Variants in PARD3 observed in about 807,000 individuals in gnomAD.
PARD3 encodes par-3 family cell polarity regulator.
Under a neutral mutation model 155.4 loss-of-function variants are expected in PARD3, and 75 were observed. The observed-to-expected ratio is 0.48, with a 90% CI of 0.40 to 0.58. The LOEUF is 0.58. Ranked by LOEUF, PARD3 falls within the 20% of genes least tolerant of loss-of-function variation. PARD3 has a pLI of 0.00. For synonymous variants in PARD3, 576 were observed against 610.5 expected (o/e 0.94, Z 0.83); for missense variants, 1,642 against 1,721.7 (o/e 0.95, Z 0.82).
chr10:34,559,049 C>G (rs1385216920), intron 2 of PARD3, among the ~76,000 whole-genome samples: 7 of 151,742 alleles, frequency 4.6e-5, no homozygotes, highest in Admixed American at 3.9e-4. Context: ...TTTTCCCCCC[C>G]ACAGAATTAG....
At chr10:34,340,350 T>A (rs1836675520) in intron 16 of PARD3, among the ~76,000 whole-genome samples, 1 of 152,224 alleles carries the variant, frequency 6.6e-6, no homozygotes, top group Admixed American at 6.5e-5. Context: ...GTTGCTACTT[T>A]CATTTTCAGA....
At chr10:34,177,629 C>A (rs887813767) in intron 22 of PARD3, among the ~76,000 whole-genome samples, 3 of 152,238 alleles carry the variant, frequency 2.0e-5, no homozygotes, top group Non-Finnish European at 4.4e-5. Flanking sequence ...CAAACCTCAA[C>A]CCACTGGGCA....
At chr10:34,589,821 A>C (rs1337909339) in intron 2 of PARD3, among the ~76,000 whole-genome samples, 1 of 152,136 alleles carries the variant, frequency 6.6e-6, no homozygotes, top group East Asian at 1.9e-4. Flanking sequence ...ATGGCCTTAC[A>C]TCAGAATACT....
chr10:34,282,175 A>C (rs1956191925), intron 21 of PARD3, among the ~76,000 whole-genome samples: 1 of 150,052 alleles, frequency 6.7e-6, no homozygotes, highest in South Asian at 2.1e-4. Flanking sequence ...AAAATCCATA[A>C]GTTTAAATAA....
chr10:34,519,453 T>TA (rs1346642670), intron 2 of PARD3, among the ~76,000 whole-genome samples: 1 of 152,146 alleles, frequency 6.6e-6, no homozygotes, highest in Non-Finnish European at 1.5e-5. Flanking sequence ...GCTATAAAAA[T>TA]AAAAAAGTAC....
chr10:34,661,979 T>G (rs1256333591), intron 2 of PARD3, among the ~76,000 whole-genome samples: 2 of 152,226 alleles, frequency 1.3e-5, no homozygotes, highest in Non-Finnish European at 2.9e-5. Flanking sequence ...AGATCCTGCA[T>G]GTAAGCACCC....
chr10:34,668,382 C>A (rs2133224003), intron 2 of PARD3, among the ~76,000 whole-genome samples: 1 of 152,302 alleles, frequency 6.6e-6, no homozygotes, highest in African/African-American at 2.4e-5. Flanking sequence ...CTGATATAAC[C>A]TGCTCAGTGC....
chr10:34,609,030 A>T (rs369629372), intron 2 of PARD3, among the ~76,000 whole-genome samples: 2 of 152,232 alleles, frequency 1.3e-5, no homozygotes, highest in African/African-American at 4.8e-5. Context: ...AACCCCTGTT[A>T]ACAGATGCAT....
intron 22 of PARD3, among the ~76,000 whole-genome samples, chr10:34,229,158 A>G (rs1325737202): frequency 1.3e-5 from 2 of 152,058 alleles, no homozygotes; most frequent in African/African-American, 4.8e-5. Flanking sequence ...TCTCAGCATC[A>G]GCTATATGAC....
intron 22 of PARD3, among the ~76,000 whole-genome samples, chr10:34,240,872 C>T (rs547952317): frequency 3.2e-4 from 49 of 152,182 alleles, no homozygotes; most frequent in Admixed American, 1.1e-3. Context: ...ACTGCCTGAG[C>T]GTGCACCACC....
At chr10:34,636,819 C>T (rs866671583) in intron 2 of PARD3, among the ~76,000 whole-genome samples, 1 of 152,084 alleles carries the variant, frequency 6.6e-6, no homozygotes, top group Non-Finnish European at 1.5e-5. Flanking sequence ...CAGCTGCACA[C>T]GACAGCAATG....
chr10:34,584,685 T>C (rs574383716), intron 2 of PARD3, among the ~76,000 whole-genome samples: 1 of 152,292 alleles, frequency 6.6e-6, no homozygotes, highest in South Asian at 2.1e-4. Context: ...GACAAACCTT[T>C]TTTTGAAAAC....
chr10:34,557,244 C>T (rs964752567), intron 2 of PARD3, among the ~76,000 whole-genome samples: 11 of 152,116 alleles, frequency 7.2e-5, no homozygotes, highest in African/African-American at 1.2e-4. Context: ...ACCAACCAAG[C>T]GACTTGACAA....
chr10:34,339,999 G>A (rs919709040), intron 16 of PARD3, among the ~76,000 whole-genome samples: 12 of 152,072 alleles, frequency 7.9e-5, no homozygotes, highest in African/African-American at 2.2e-4. Flanking sequence ...TTTTCATCAA[G>A]GATTAGGGAA....
intron 2 of PARD3, among the ~76,000 whole-genome samples, chr10:34,626,776 C>T (rs2091999305): frequency 1.3e-5 from 2 of 152,106 alleles, no homozygotes; most frequent in Non-Finnish European, 1.5e-5. Context: ...TCAGGGCAAG[C>T]TTTCAAAAAA....
intron 5 of PARD3, among the ~76,000 whole-genome samples, chr10:34,421,523 G>A (rs951011061): frequency 4.0e-5 from 6 of 151,450 alleles, no homozygotes; most frequent in African/African-American, 1.5e-4. Flanking sequence ...AATCACTACC[G>A]CTTGAAGTAA....
chr10:34,662,133 T>C (rs758642625), intron 2 of PARD3, among the ~76,000 whole-genome samples: 36 of 152,170 alleles, frequency 2.4e-4, no homozygotes, highest in Non-Finnish European at 4.6e-4. Flanking sequence ...TCAGTATTCC[T>C]CATTCTCAAA....
intron 14 of PARD3, among the ~76,000 whole-genome samples, chr10:34,352,612 G>T (rs1305920079): frequency 6.6e-6 from 1 of 152,238 alleles, no homozygotes. Context: ...CTCCCGAGGT[G>T]CCGGGATTGC....
At chr10:34,754,483 A>G (rs1836463352) in intron 1 of PARD3, among the ~76,000 whole-genome samples, 1 of 152,222 alleles carries the variant, frequency 6.6e-6, no homozygotes, top group African/African-American at 2.4e-5. Flanking sequence ...CAAGGATCAT[A>G]TTTTACATTT....
Sources: gnomAD v4.1 joint callset for allele counts (sites outside exome capture counted in the v4.1 genomes callset) on GRCh38, gnomAD v4.1.1 for gene constraint, MANE v1.5 for transcripts, NCBI Gene and HGNC (gene_info 2026-07-23, HGNC 2026-07-21) for gene names.